ALMS1: variants seen among roughly 807,000 people sequenced by gnomAD.
The protein encoded by ALMS1 is ALMS1 centrosome and basal body associated protein.
ALMS1 carries 271 observed loss-of-function variants against 352.2 expected under a neutral mutation model. That is an observed-to-expected ratio of 0.77 (90% CI 0.70 to 0.85). ALMS1 has a LOEUF of 0.85. Ranked by LOEUF, ALMS1 falls within the 40% of genes least tolerant of loss-of-function variation. The probability of loss-of-function intolerance (pLI) is 0.00; values close to 1 mark genes in which losing one functional copy is unlikely to be tolerated. For synonymous variants in ALMS1, 1,865 were observed against 1,761.2 expected, an observed-to-expected ratio of 1.06 and a Z score of -1.48; for missense variants, 5,445 against 4,870.7, an observed-to-expected ratio of 1.12 and a Z score of -3.51.
chr2:73,422,375 A>G (rs1239546531), intron 3 of ALMS1, among the ~76,000 whole-genome samples: 1 of 152,126 alleles, frequency 6.6e-6, no homozygotes, highest in African/African-American at 2.4e-5. Context: ...AAATTTTGAC[A>G]TTAGGTACCC....
At chr2:73,424,403 T>G (rs1671338209) in intron 4 of ALMS1, 27 bp from the exon 5 acceptor site, 2 of 1,348,548 alleles carry the variant, frequency 1.5e-6, no homozygotes, top group Non-Finnish European at 2.0e-6. Context: ...GTTATTTATT[T>G]ATTTATTTTT....
intron 13 of ALMS1, among the ~76,000 whole-genome samples, chr2:73,554,704 G>A (rs376944297): frequency 6.6e-6 from 1 of 152,058 alleles, no homozygotes; most frequent in South Asian, 2.1e-4. Flanking sequence ...TTTAAAATCA[G>A]GTGTTACCCT....
intron 17 of ALMS1, 138 bp from the exon 18 acceptor site, chr2:73,600,540 C>T (rs1330239562): frequency 1.4e-6 from 1 of 736,294 alleles, no homozygotes; most frequent in Non-Finnish European, 2.1e-6. Context: ...TTCTCTTCCT[C>T]TCTCTTCGCA....
At chr2:73,408,389 A>C (rs1358147824) in intron 1 of ALMS1, among the ~76,000 whole-genome samples, 10 of 152,160 alleles carry the variant, frequency 6.6e-5, no homozygotes, top group Admixed American at 6.6e-4. Flanking sequence ...TGCTGCTTTT[A>C]CCTCTATGGG....
chr2:73,576,912 T>C (rs7605685), intron 16 of ALMS1, among the ~76,000 whole-genome samples: 151,620 of 152,234 alleles, frequency 1, 75,508 homozygotes, highest in Middle Eastern at 1. Context: ...CATGAGCCAT[T>C]GTGCCTGGCC....
chr2:73,485,043 A>C (rs917327781), intron 9 of ALMS1, among the ~76,000 whole-genome samples: 21 of 152,044 alleles, frequency 1.4e-4, no homozygotes, highest in Non-Finnish European at 2.8e-4. Context: ...GCTCAGAGTA[A>C]TTTGATCGTC....
rs566724853 is a variant in ALMS1, at chr2:73,527,244, CT to C, written c.9781+7240del. Reference sequence around the variant, plus strand: ...CCTGTAGTTTTCTTTTCTTTTTTCTCTTTTTTTTTTTTGGATGTGTCTTTGG... The same window carrying C: ...CCTGTAGTTTTCTTTTCTTTTTTCTCTTTTTTTTTTTGGATGTGTCTTTGG... On this transcript the variant is annotated intron_variant, in intron 11 of 22. Transcript: ENST00000613296. Among the ~76,000 whole-genome samples, 298 of 140,088 alleles carry C rather than the reference CT, an allele frequency of 2.1e-3. 1 individual carries two copies. The highest frequency in any genetic ancestry group is 9.6e-3 in the South Asian group (43 of 4,486). 91.9% of individuals were successfully genotyped at this position (140,088 alleles called of 152,430 possible).
intron 7 of ALMS1, among the ~76,000 whole-genome samples, chr2:73,439,750 A>T (rs1671678881): frequency 6.6e-6 from 1 of 152,118 alleles, no homozygotes; most frequent in Non-Finnish European, 1.5e-5. Context: ...CATGTTGGCC[A>T]GGATGGTCTG....
chr2:73,474,555 A>G (rs540174654), intron 9 of ALMS1, among the ~76,000 whole-genome samples: 17 of 152,112 alleles, frequency 1.1e-4, no homozygotes, highest in African/African-American at 3.9e-4. Context: ...GCTCACTGCA[A>G]TGTCCACCTC....
At position 73,448,397 on chromosome 2, in the gene ALMS1, CAT is replaced by C; in HGVS notation, c.1872_1873del (p.His624GlnfsTer16). On this transcript the variant is annotated frameshift_variant, in exon 8 of 23. Coordinates refer to ENST00000613296, the MANE Select transcript of ALMS1 (RefSeq NM_001378454.1). LOFTEE classifies it high-confidence loss of function. Reference protein sequence around the residue: ...MSTLTSTSYSHREKPGTFYQQ... With the variant: ...MSTLTSTSYSXREKPGTFYQQ... ...AACTCTAACCTCTACTTCCTACTCA[CAT>C]AGAGAGAAGCCTGGTACTTTTTACC... 1 of 1,614,068 alleles carries C rather than the reference CAT, an allele frequency of 6.2e-7. No homozygotes were observed. The highest frequency in any genetic ancestry group is 8.5e-7 in the Non-Finnish European group (1 of 1,179,936).
In ALMS1 at chr2:73,408,675, T is replaced by C. The variant is rs1381438379; in HGVS notation, c.378T>C (p.Ser126=). The C allele has an allele frequency of 3.1e-6, 5 of 1,613,616 alleles. No homozygotes were observed. Among genetic ancestry groups the C allele is most frequent in the Non-Finnish European group, 4.2e-6 (5 of 1,179,728 alleles). ...AACAGATAGTATATCAAGGCAATAG[T>C]AGAACACAAATTTCTGATACTAATG... is the stretch of plus-strand genomic sequence containing the variant. ...VWQQIVYQGN[S]RTQISDTNVV... Residue 126 remains serine (S), a synonymous_variant, in exon 2 of 23, where the codon AGT becomes AGC. Coordinates refer to ENST00000613296, the MANE Select transcript of ALMS1 (RefSeq NM_001378454.1).
intron 10 of ALMS1, among the ~76,000 whole-genome samples, chr2:73,491,952 A>G (rs1672999423): frequency 6.6e-6 from 1 of 152,162 alleles, no homozygotes; most frequent in Admixed American, 6.5e-5. Context: ...GTATTTACAA[A>G]GAAAGTGGCT....
intron 16 of ALMS1, among the ~76,000 whole-genome samples, chr2:73,598,539 G>A (rs1045858958): frequency 7.9e-5 from 12 of 152,118 alleles, no homozygotes; most frequent in African/African-American, 2.2e-4. Flanking sequence ...TCTGGAATAT[G>A]GTTTATCTAG....
chr2:73,421,016 AC>A (rs1374072205), intron 3 of ALMS1, among the ~76,000 whole-genome samples: 1 of 152,102 alleles, frequency 6.6e-6, no homozygotes, highest in Non-Finnish European at 1.5e-5. Context: ...AAAATACACC[AC>A]CTTCCCATCA....
intron 9 of ALMS1, among the ~76,000 whole-genome samples, chr2:73,465,773 A>T (rs1286661451): frequency 6.6e-6 from 1 of 152,092 alleles, no homozygotes; most frequent in Non-Finnish European, 1.5e-5. Flanking sequence ...ATCTACAATG[A>T]ACTCAAACAA....
At chr2:73,483,283 C>T (rs1282547202) in intron 9 of ALMS1, among the ~76,000 whole-genome samples, 2 of 151,328 alleles carry the variant, frequency 1.3e-5, no homozygotes, top group African/African-American at 2.4e-5. Context: ...TCTTTGTTCT[C>T]GTTGGTTTCA....
rs1057524885 is a variant in ALMS1, at chr2:73,602,365, A to G, written c.12295A>G (p.Arg4099Gly). Residue 4099 changes from arginine (R) to glycine (G), a missense_variant, in exon 20 of 23, where the codon AGA becomes GGA. By Grantham distance (125) the Arg-to-Gly change is moderately radical. Coordinates refer to ENST00000613296, the MANE Select transcript of ALMS1 (RefSeq NM_001378454.1). ...HQNRMCPLPK[R>G]VFLAIQKNKP... is the part of the protein sequence containing the mutation. The stretch of plus-strand genomic sequence containing the variant: ...GAATCGCATGTGCCCGCTGCCCAAG[A>G]GAGGTACGCCCTGCCCGTTCACTTT... 28 of 1,614,154 alleles carry G rather than the reference A, an allele frequency of 1.7e-5. No homozygotes were observed. The highest frequency in any genetic ancestry group is 2.3e-5 in the Non-Finnish European group (27 of 1,180,006).
At chr2:73,458,295 A>C (rs1264263981) in intron 9 of ALMS1, 1 of 152,144 alleles carries the variant, frequency 6.6e-6, no homozygotes. Context: ...TTCCCTTTAA[A>C]ACTTCTCTAA....
chr2:73,435,322 C>G (rs1268638664), intron 7 of ALMS1, among the ~76,000 whole-genome samples: 2 of 151,924 alleles, frequency 1.3e-5, no homozygotes, highest in Non-Finnish European at 2.9e-5. Context: ...TTTTTCTGTT[C>G]CCCTTTTATT....
Sources: gnomAD v4.1 joint callset for allele counts (sites outside exome capture counted in the v4.1 genomes callset) on GRCh38, gnomAD v4.1.1 for gene constraint, MANE v1.5 for transcripts, NCBI Gene and HGNC (gene_info 2026-07-23, HGNC 2026-07-21) for gene names.